Variants in GCNT1 observed in about 807,000 individuals in gnomAD.
GCNT1 encodes the protein beta-1,3-galactosyl-O-glycosyl-glycoprotein beta-1,6-N-acetylglucosaminyltransferase.
A neutral mutation model predicts 26.2 loss-of-function variants in GCNT1; 16 were observed. The ratio of observed to expected loss-of-function variants is 0.61; its 90% CI spans 0.41 to 0.93. GCNT1 has a LOEUF of 0.93. GCNT1 is among the 40% of genes least tolerant of loss of function. The pLI is 0.00. For missense variants in GCNT1, 477 were observed against 526.7 expected, an observed-to-expected ratio of 0.91 and a Z score of 0.92; for synonymous variants, 183 against 190.8, an observed-to-expected ratio of 0.96 and a Z score of 0.34.
chr9:76,489,241 C>G (rs1354815026), intron 2 of GCNT1, among the ~76,000 whole-genome samples: 1 of 152,164 alleles, frequency 6.6e-6, no homozygotes, highest in Non-Finnish European at 1.5e-5. Flanking sequence ...TTGATGGTGA[C>G]ATAGTATTTC....
chr9:76,394,257 A>T, the GCNT1 span: 1 of 1,384,724 alleles, frequency 7.2e-7, no homozygotes, highest in Non-Finnish European at 9.8e-7. Context: ...ACCCCGGACC[A>T]GCCGGGGGAC....
chr9:76,418,066 C>T (rs1368465935), upstream of GCNT1, among the ~76,000 whole-genome samples: 1 of 152,112 alleles, frequency 6.6e-6, no homozygotes, highest in Admixed American at 6.6e-5. Flanking sequence ...TTTAGGGAGA[C>T]ATGAGACATC....
chr9:76,461,808 G>A (rs1294067109), intron 2 of GCNT1, among the ~76,000 whole-genome samples: 1 of 152,164 alleles, frequency 6.6e-6, no homozygotes, highest in Non-Finnish European at 1.5e-5. Context: ...ATAATTGCTT[G>A]AACCCGGGAG....
intron 3 of GCNT1, chr9:76,502,002 T>C (rs900063539): frequency 6.6e-6 from 1 of 152,286 alleles, no homozygotes; most frequent in Admixed American, 6.5e-5. Flanking sequence ...TTTCTTTTGT[T>C]TTCTTTTTCA....
intron 1 of GCNT1, among the ~76,000 whole-genome samples, chr9:76,426,731 A>G (rs1823262853): frequency 1.3e-5 from 2 of 152,062 alleles, no homozygotes; most frequent in Non-Finnish European, 2.9e-5. Flanking sequence ...CCCCGTCTCT[A>G]TTAAAAATAC....
intron 2 of GCNT1, among the ~76,000 whole-genome samples, chr9:76,497,284 C>T (rs631887): frequency 0.44 from 67,617 of 151,978 alleles, 15,371 homozygotes; most frequent in East Asian, 0.66. Context: ...TTTTACTTCC[C>T]TTTAAACTTC....
At chr9:76,492,350 G>A (rs1824766217) in intron 2 of GCNT1, among the ~76,000 whole-genome samples, 1 of 152,110 alleles carries the variant, frequency 6.6e-6, no homozygotes, top group Non-Finnish European at 1.5e-5. Flanking sequence ...AAAGGCATGT[G>A]GAAAGAGCAA....
the GCNT1 span, chr9:76,394,452 G>A: frequency 5.7e-5 from 19 of 336,194 alleles, no homozygotes; most frequent in African/African-American, 1.5e-4. Flanking sequence ...GGTGGGGGGA[G>A]GGGGCGGCCC....
intron 2 of GCNT1, among the ~76,000 whole-genome samples, chr9:76,497,692 G>A (rs550916139): frequency 5.3e-5 from 8 of 152,014 alleles, no homozygotes; most frequent in Admixed American, 3.3e-4. Context: ...TTTGGATTTC[G>A]AGGTGACCCT....
chr9:76,401,348 C>G, the GCNT1 span, among the ~76,000 whole-genome samples: 1 of 152,116 alleles, frequency 6.6e-6, no homozygotes, highest in Admixed American at 6.6e-5. Flanking sequence ...ACACTATAGC[C>G]TCGAAATCCT....
chr9:76,424,669 T>A (rs115486625), intron 1 of GCNT1, among the ~76,000 whole-genome samples: 2,831 of 152,284 alleles, frequency 0.019, 86 homozygotes, highest in African/African-American at 0.063. Context: ...TAAAACTGGA[T>A]GATAGATAAC....
At chr9:76,466,698 G>A (rs889194384) in intron 2 of GCNT1, among the ~76,000 whole-genome samples, 1 of 152,226 alleles carries the variant, frequency 6.6e-6, no homozygotes, top group Non-Finnish European at 1.5e-5. Flanking sequence ...AGAACACAGT[G>A]CAGAATTTGG....
At position 76,502,875 on chromosome 9, in the gene GCNT1, C is replaced by T. The variant is rs1825120460; in HGVS notation, c.494C>T (p.Ala165Val). The change falls in exon 4 of 4, where the codon GCA (alanine) becomes GTA (valine). Residue 165 changes from alanine to valine, a missense_variant. Transcript: ENST00000376730. ...DTKSEDSYLA[A>V]VMGIASCFSN... ...AAATCCGAGGATTCCTATTTAGCTGCAGTGATGGGCATCGCTTCCTGTTTT... is the reference window on the plus strand; with the variant it reads ...AAATCCGAGGATTCCTATTTAGCTGTAGTGATGGGCATCGCTTCCTGTTTT... The T allele has an allele frequency of 1.2e-6, 2 of 1,614,008 alleles. No individual in the cohort carries two copies. Among genetic ancestry groups the T allele is most frequent in the Non-Finnish European group, 1.7e-6 (2 of 1,180,004 alleles).
the GCNT1 span, among the ~76,000 whole-genome samples, chr9:76,396,203 G>A: frequency 6.6e-6 from 1 of 152,200 alleles, no homozygotes; most frequent in East Asian, 1.9e-4. Flanking sequence ...TAAATGAGGA[G>A]GGGTGGTTTT....
the GCNT1 span, among the ~76,000 whole-genome samples, chr9:76,409,666 G>A: frequency 6.6e-6 from 1 of 152,004 alleles, no homozygotes. Flanking sequence ...GGCTGGTCTC[G>A]AACTGCTGAC....
chr9:76,444,073 G>A (rs1461987995), intron 1 of GCNT1, among the ~76,000 whole-genome samples: 1 of 152,154 alleles, frequency 6.6e-6, no homozygotes, highest in Admixed American at 6.5e-5. Context: ...CTCCAGGAGT[G>A]TTTGGCCTGA....
At chr9:76,442,737 A>G (rs527621944) in intron 1 of GCNT1, among the ~76,000 whole-genome samples, 3 of 152,178 alleles carry the variant, frequency 2.0e-5, no homozygotes, top group Non-Finnish European at 4.4e-5. Context: ...GATTATCAGA[A>G]GTAGTAAGAG....
At chr9:76,415,213 T>A (rs1823122475), upstream of GCNT1, among the ~76,000 whole-genome samples, 2 of 152,198 alleles carry the variant, frequency 1.3e-5, no homozygotes, top group South Asian at 4.1e-4. Context: ...ACGCACCACA[T>A]ACCTGGCTAA....
chr9:76,427,150 C>G (rs1823268296), intron 1 of GCNT1, among the ~76,000 whole-genome samples: 1 of 151,196 alleles, frequency 6.6e-6, no homozygotes, highest in Non-Finnish European at 1.5e-5. Flanking sequence ...AGACAGCCAT[C>G]TGCACGATAA....
Sources: allele counts gnomAD v4.1 joint callset (sites outside exome capture counted in the v4.1 genomes callset), GRCh38; gene constraint gnomAD v4.1.1; transcripts MANE v1.5; gene names NCBI Gene and HGNC (gene_info 2026-07-23, HGNC 2026-07-21).